OPRD1: variants seen among roughly 807,000 people sequenced by gnomAD.
OPRD1 encodes the protein opioid receptor delta 1.
In OPRD1, 19 loss-of-function variants were observed where a neutral mutation model predicts 17.5. The ratio of observed to expected loss-of-function variants is 1.09; its 90% CI spans 0.76 to 1.60. OPRD1 has a LOEUF of 1.60. Ranked by LOEUF, OPRD1 falls within the 40% of genes most tolerant of loss-of-function variation. OPRD1 has a pLI of 0.00. For missense variants in OPRD1, 483 were observed against 547.2 expected (o/e 0.88, Z 1.17); for synonymous variants, 256 against 240.9 (o/e 1.06, Z -0.58).
rs770955557 is a variant in OPRD1, at chr1:28,859,098, G to A, written c.372G>A (p.Val124=). ...WPFGELLCKA[V]LSIDYYNMFT... ...TCGGCGAGCTGCTCTGCAAGGCTGT[G>A]CTCTCCATCGACTACTACAATATGT... The change falls in exon 2 of 3, where the codon GTG becomes GTA. Residue 124 remains valine, a synonymous_variant. Coordinates refer to ENST00000234961, the MANE Select transcript of OPRD1 (RefSeq NM_000911.4). 1.9e-6 allele frequency: 3 copies of A among 1,614,226 alleles called. No individual in the cohort carries two copies. Among genetic ancestry groups the A allele is most frequent in the Non-Finnish European group, 2.5e-6 (3 of 1,180,050 alleles).
chr1:28,824,900 C>T (rs954513729), intron 1 of OPRD1, among the ~76,000 whole-genome samples: 6 of 151,248 alleles, frequency 4.0e-5, no homozygotes, highest in Non-Finnish European at 5.9e-5. Context: ...GGCGCGATCT[C>T]GGCTCACTGC....
chr1:28,828,490 C>A (rs564066032), intron 1 of OPRD1, among the ~76,000 whole-genome samples: 2 of 152,132 alleles, frequency 1.3e-5, no homozygotes, highest in East Asian at 3.9e-4. Context: ...AAATGAGCAT[C>A]GGCTTCAATT....
intron 1 of OPRD1, among the ~76,000 whole-genome samples, chr1:28,817,850 G>A (rs571665969): frequency 3.4e-5 from 5 of 148,190 alleles, no homozygotes; most frequent in East Asian, 4.2e-4. Flanking sequence ...GATTACAGGC[G>A]CTCGCCACCA....
intron 1 of OPRD1, among the ~76,000 whole-genome samples, chr1:28,820,989 G>A (rs920928396): frequency 2.6e-5 from 4 of 152,026 alleles, no homozygotes; most frequent in African/African-American, 9.7e-5. Context: ...AATTTAAGCA[G>A]AGACAGACAT....
chr1:28,847,615 C>G (rs900496691), intron 1 of OPRD1, among the ~76,000 whole-genome samples: 1 of 151,768 alleles, frequency 6.6e-6, no homozygotes, highest in Admixed American at 6.6e-5. Context: ...GGGTGGATTG[C>G]TTGAGCCCAG....
At chr1:28,852,983 G>A (rs1433345902) in intron 1 of OPRD1, among the ~76,000 whole-genome samples, 1 of 152,178 alleles carries the variant, frequency 6.6e-6, no homozygotes. Flanking sequence ...GCCTCCCAAA[G>A]TGCTGGGATT....
chr1:28,859,317 T>A lies in OPRD1; in HGVS notation c.577+14T>A. The A allele has an allele frequency of 6.2e-7, 1 of 1,602,328 alleles. No homozygotes were observed. Among genetic ancestry groups the A allele is most frequent in the Non-Finnish European group, 8.5e-7 (1 of 1,173,248 alleles). On this transcript the variant is annotated intron_variant, in intron 2 of 2. Coordinates refer to ENST00000234961, the MANE Select transcript of OPRD1 (RefSeq NM_000911.4). ...CCCGTCCCCGGGGTGAGTGAGTGAG[T>A]GCACCATGGCACAGGCCACTGACCA... is the stretch of plus-strand genomic sequence containing the variant.
intron 1 of OPRD1, among the ~76,000 whole-genome samples, chr1:28,850,512 G>A (rs916202521): frequency 2.0e-5 from 3 of 151,734 alleles, no homozygotes; most frequent in East Asian, 2.0e-4. Flanking sequence ...TAGTAGAGAT[G>A]AGGTTTCTCC....
Position 28,868,750 on chromosome 1 carries a change from GA to G in OPRD1, c.*5469del, listed in dbSNP as rs2089194905. 1 of 152,024 alleles carries G rather than the reference GA, an allele frequency of 6.6e-6. No homozygotes were observed. Among genetic ancestry groups the G allele is most frequent in the African/African-American group, 2.4e-5 (1 of 41,312 alleles). 9.4% of individuals were successfully genotyped at this position (152,024 alleles called of 1,614,324 possible). ...AGCTACTCAGGAGGCTGAGGCGGGA[GA>G]ATCGCCTGAACCCAGGAAGCAGAGG... On this transcript the variant is annotated 3_prime_UTR_variant, in exon 3 of 3. Transcript: ENST00000234961.
intron 2 of OPRD1, among the ~76,000 whole-genome samples, chr1:28,861,291 T>A (rs1196713400): frequency 6.6e-6 from 1 of 152,026 alleles, no homozygotes; most frequent in East Asian, 1.9e-4. Flanking sequence ...TGTATCAGAA[T>A]CCCACAACAC....
chr1:28,850,919 T>C (rs911259507), intron 1 of OPRD1, among the ~76,000 whole-genome samples: 10 of 151,942 alleles, frequency 6.6e-5, no homozygotes, highest in Admixed American at 1.3e-4. Flanking sequence ...TTAGAGGATC[T>C]ATCCAGGAGG....
intron 1 of OPRD1, among the ~76,000 whole-genome samples, chr1:28,856,455 C>A (rs1365682084): frequency 6.6e-6 from 1 of 152,220 alleles, no homozygotes; most frequent in Non-Finnish European, 1.5e-5. Context: ...TCAGGCCACG[C>A]TTTAATAAAA....
chr1:28,850,530 T>A (rs1003827433), intron 1 of OPRD1, among the ~76,000 whole-genome samples: 3 of 151,016 alleles, frequency 2.0e-5, no homozygotes, highest in African/African-American at 7.3e-5. Flanking sequence ...TCCATGTTGG[T>A]CAGGCTGGTC....
rs758559916 is a variant in OPRD1 at position 28,812,395 on chromosome 1, C to G, written c.12C>G (p.Ala4=). 1,583 of 1,431,860 alleles carry G rather than the reference C, an allele frequency of 1.1e-3. 1 individual carries two copies. Among genetic ancestry groups the G allele is most frequent in the Non-Finnish European group, 1.3e-3 (1,464 of 1,099,626 alleles). 88.7% of individuals were successfully genotyped at this position (1,431,860 alleles called of 1,614,324 possible). The change falls in exon 1 of 3, where the codon GCC becomes GCG. Residue 4 remains alanine, a synonymous_variant. Transcript: ENST00000234961. ...GCCGGCCGGCAGCCATGGAACCGGC[C>G]CCCTCCGCCGGCGCCGAGCTGCAGC... MEP[A]PSAGAELQPP...
chr1:28,847,212 C>T (rs541953586), intron 1 of OPRD1, among the ~76,000 whole-genome samples: 21 of 151,994 alleles, frequency 1.4e-4, no homozygotes, highest in Non-Finnish European at 2.8e-4. Context: ...CCACCATGCC[C>T]AGCTAATTTT....
In OPRD1 at chr1:28,869,186, T is replaced by C. The variant is rs1211307878; in HGVS notation, c.*5903T>C. Reference sequence around the variant, plus strand: ...TTCATCATGTATTTATTCCTTTATTTCTGGGAGCCGGGAGGAGTGACGGGA... The same window carrying C: ...TTCATCATGTATTTATTCCTTTATTCCTGGGAGCCGGGAGGAGTGACGGGA... On this transcript the variant is annotated 3_prime_UTR_variant, in exon 3 of 3. Transcript: ENST00000234961. The C allele has an allele frequency of 2.0e-5, 3 of 152,328 alleles. No individual in the cohort carries two copies. Among genetic ancestry groups the C allele is most frequent in the Admixed American group, 2.0e-4 (3 of 15,262 alleles). 9.4% of individuals were successfully genotyped at this position (152,328 alleles called of 1,614,324 possible).
intron 1 of OPRD1, among the ~76,000 whole-genome samples, chr1:28,838,972 C>T (rs1035137794): frequency 6.6e-6 from 1 of 152,066 alleles, no homozygotes; most frequent in African/African-American, 2.4e-5. Context: ...TATTCACAGG[C>T]ACCATCGTGG....
intron 1 of OPRD1, among the ~76,000 whole-genome samples, chr1:28,822,220 A>AT (rs779131796): frequency 9.2e-5 from 14 of 152,080 alleles, no homozygotes; most frequent in Non-Finnish European, 1.9e-4. Context: ...AAGTGTTGGG[A>AT]TTACAGGTGT....
intron 2 of OPRD1, among the ~76,000 whole-genome samples, chr1:28,860,017 C>T (rs1246387130): frequency 6.6e-6 from 1 of 152,158 alleles, no homozygotes; most frequent in Non-Finnish European, 1.5e-5. Flanking sequence ...TCTTCTACTG[C>T]TGGCATCTGG....
Sources: allele counts gnomAD v4.1 joint callset (sites outside exome capture counted in the v4.1 genomes callset), GRCh38; gene constraint gnomAD v4.1.1; transcripts MANE v1.5; gene names NCBI Gene and HGNC (gene_info 2026-07-23, HGNC 2026-07-21).